The following ANKS1A variants were observed in gnomAD, a reference collection of about 807,000 sequenced individuals.
ANKS1A encodes ankyrin repeat and SAM domain-containing protein 1A.
ANKS1A carries 55 observed loss-of-function variants against 120.3 expected under a neutral mutation model. That is an observed-to-expected ratio of 0.46 (90% confidence interval 0.37 to 0.57). The LOEUF (loss-of-function observed/expected upper bound fraction) is 0.57, where lower values mean the gene tolerates loss of function less well. Among genes scored for constraint, ANKS1A ranks in the 20% least tolerant of loss-of-function variants. The pLI is 0.00. For missense variants in ANKS1A, 1,123 were observed against 1,480.3 expected, an observed-to-expected ratio of 0.76 and a Z score of 3.96; for synonymous variants, 590 against 604.7, an observed-to-expected ratio of 0.98 and a Z score of 0.36.
At chr6:34,906,008 G>T (rs1357868443) in intron 1 of ANKS1A, among the ~76,000 whole-genome samples, 2 of 152,158 alleles carry the variant, frequency 1.3e-5, no homozygotes, top group African/African-American at 4.8e-5. Flanking sequence ...CTCTTAGAGT[G>T]CATACTGGCT....
chr6:35,019,746 G>C (rs1774230051), intron 11 of ANKS1A, among the ~76,000 whole-genome samples: 1 of 152,124 alleles, frequency 6.6e-6, no homozygotes, highest in Admixed American at 6.5e-5. Flanking sequence ...ATAAATTTAA[G>C]AGGAAGGTGA....
chr6:35,049,773 A>G (rs1485073221), intron 11 of ANKS1A, among the ~76,000 whole-genome samples: 1 of 152,168 alleles, frequency 6.6e-6, no homozygotes, highest in African/African-American at 2.4e-5. Flanking sequence ...CCCCAACGAA[A>G]GACATATTGA....
At chr6:35,023,842 G>T in intron 11 of ANKS1A, 1 of 206,188 alleles carries the variant, frequency 4.8e-6, no homozygotes, top group Non-Finnish European at 1.0e-5. Flanking sequence ...AATCACTATT[G>T]AAATGGCATC....
At position 35,044,256 on chromosome 6, in the gene ANKS1A, G is replaced by A. The variant is rs1775611332; in HGVS notation, c.2011-9843G>A. 6.6e-6 allele frequency among the ~76,000 whole-genome samples: 1 copy of A among 152,208 alleles called. No individual in the cohort carries two copies. The highest frequency in any genetic ancestry group is 2.4e-5 in the African/African-American group (1 of 41,460). ...GGACAGGGTGGCATGCAGTTAGCTC[G>A]CTGGCAGATCACTTAAGCGGAGGTC... On this transcript the variant is annotated intron_variant, in intron 11 of 23. Transcript: ENST00000360359. This position sits in a 1 kb window ranked among gnomAD's most constrained non-coding sequence, Gnocchi z 4.4.
At chr6:35,053,771 C>T (rs1395159256) in intron 11 of ANKS1A, among the ~76,000 whole-genome samples, 1 of 152,266 alleles carries the variant, frequency 6.6e-6, no homozygotes, top group African/African-American at 2.4e-5. Context: ...ATTGCAGCCT[C>T]TCCCCAGTCT....
chr6:35,077,730 A>G (rs1426594551), intron 13 of ANKS1A, among the ~76,000 whole-genome samples: 2 of 152,174 alleles, frequency 1.3e-5, no homozygotes, highest in African/African-American at 4.8e-5. Flanking sequence ...TAGCTCCACC[A>G]CTAGATGTGT....
At chr6:34,915,163 C>T (rs1768095385) in intron 1 of ANKS1A, among the ~76,000 whole-genome samples, 1 of 152,204 alleles carries the variant, frequency 6.6e-6, no homozygotes, top group African/African-American at 2.4e-5. Flanking sequence ...GTCTATCTAC[C>T]TGACGAGAAT....
chr6:34,906,947 G>A (rs966408473), intron 1 of ANKS1A, among the ~76,000 whole-genome samples: 4 of 152,166 alleles, frequency 2.6e-5, no homozygotes, highest in African/African-American at 9.7e-5. Flanking sequence ...TGCCTTTACC[G>A]AGTAATGAAG....
At chr6:34,906,943 T>G (rs754434112) in intron 1 of ANKS1A, among the ~76,000 whole-genome samples, 6 of 152,196 alleles carry the variant, frequency 3.9e-5, no homozygotes, top group African/African-American at 9.7e-5. Context: ...CCACTGCCTT[T>G]ACCGAGTAAT....
intron 10 of ANKS1A, chr6:35,005,655 A>G: frequency 2.4e-6 from 1 of 421,288 alleles, no homozygotes; most frequent in Admixed American, 3.0e-5. Flanking sequence ...TAAAGAAACC[A>G]AAAGGAGAGA....
intron 11 of ANKS1A, among the ~76,000 whole-genome samples, chr6:35,051,655 T>C (rs1775973736): frequency 6.6e-6 from 1 of 152,226 alleles, no homozygotes; most frequent in South Asian, 2.1e-4. Context: ...AAAATACGCT[T>C]GATGCCAACC....
Position 35,090,504 on chromosome 6 carries a change from G to A in ANKS1A, c.*1895G>A. 10 of 1,069,764 alleles carry A rather than the reference G, an allele frequency of 9.3e-6. No homozygotes were observed. The South Asian group carries it at 2.9e-4, about 31-fold the overall frequency. The allele number at this position is 1,069,764 out of a possible 1,614,324, so 66.3% of individuals were successfully genotyped here. On this transcript the variant is annotated 3_prime_UTR_variant, in exon 24 of 24. Transcript: ENST00000360359. Reference sequence around the variant, plus strand: ...ATAGGTGTTTCTTCTGCTTGAAGCTGCTATATCATCTTTATTTATTCAGGG... The same window carrying A: ...ATAGGTGTTTCTTCTGCTTGAAGCTACTATATCATCTTTATTTATTCAGGG...
At chr6:35,054,627 T>G (rs1313415072) in intron 12 of ANKS1A, among the ~76,000 whole-genome samples, 2 of 152,180 alleles carry the variant, frequency 1.3e-5, no homozygotes, top group Admixed American at 6.5e-5. Flanking sequence ...GACTGTGCTG[T>G]TTCCTCTTCC....
At chr6:34,937,709 C>G (rs191501095) in intron 1 of ANKS1A, among the ~76,000 whole-genome samples, 3 of 152,272 alleles carry the variant, frequency 2.0e-5, no homozygotes, top group African/African-American at 7.2e-5. Flanking sequence ...GTGGCTGGTT[C>G]ACACAAGGCA....
downstream of ANKS1A, among the ~76,000 whole-genome samples, chr6:35,093,019 A>C (rs1366732315): frequency 2.0e-5 from 3 of 151,822 alleles, no homozygotes; most frequent in Non-Finnish European, 2.9e-5. Flanking sequence ...GAGGGTATCC[A>C]AGTCCCATAA....
In ANKS1A at chr6:35,082,282, C is replaced by T. The variant is rs1251443229; in HGVS notation, c.2710-409C>T. Reference sequence around the variant, plus strand: ...GCTTCCCCGCTGTGAAGATCCCTCCCAGGCCCTGGGCTGGGTCCCAAGGCG... The same window carrying T: ...GCTTCCCCGCTGTGAAGATCCCTCCTAGGCCCTGGGCTGGGTCCCAAGGCG... On this transcript the variant is annotated intron_variant, in intron 17 of 23. Coordinates refer to ENST00000360359, the MANE Select transcript of ANKS1A (RefSeq NM_015245.3). This position sits in a 1 kb window ranked among gnomAD's most constrained non-coding sequence, Gnocchi z 4.1. 1.3e-5 allele frequency among the ~76,000 whole-genome samples: 2 copies of T among 151,960 alleles called. No homozygotes were observed. The highest frequency in any genetic ancestry group is 2.9e-5 in the Non-Finnish European group (2 of 67,956).
chr6:35,051,057 T>C (rs1449055568), intron 11 of ANKS1A, among the ~76,000 whole-genome samples: 1 of 152,116 alleles, frequency 6.6e-6, no homozygotes, highest in Non-Finnish European at 1.5e-5. Context: ...CCCGGGTTTC[T>C]GGGTCAGGCA....
intron 1 of ANKS1A, among the ~76,000 whole-genome samples, chr6:34,906,764 C>T (rs1038918751): frequency 2.0e-5 from 3 of 152,320 alleles, no homozygotes; most frequent in Admixed American, 1.3e-4. Flanking sequence ...TTATTAATTC[C>T]TATGGCAGCT....
At chr6:35,074,209 G>A (rs1009136261) in intron 13 of ANKS1A, among the ~76,000 whole-genome samples, 4 of 152,218 alleles carry the variant, frequency 2.6e-5, no homozygotes, top group Non-Finnish European at 4.4e-5. Context: ...ACATCACTGC[G>A]GTGCCGCAGT....
Sources: allele counts gnomAD v4.1 joint callset (sites outside exome capture counted in the v4.1 genomes callset), GRCh38; gene constraint gnomAD v4.1.1; non-coding constraint Gnocchi (gnomAD v3.1); transcripts MANE v1.5; gene names NCBI Gene and HGNC (gene_info 2026-07-23, HGNC 2026-07-21).